Variants in DENND5B observed in about 807,000 individuals in gnomAD.
DENND5B encodes DENN domain containing 5B.
A neutral mutation model predicts 140.6 loss-of-function variants in DENND5B; 34 were observed. That is an observed-to-expected ratio of 0.24 (90% CI 0.18 to 0.32). DENND5B has a LOEUF of 0.32. DENND5B is among the 10% of genes least tolerant of loss of function. The pLI is 1.00. For synonymous variants in DENND5B, 551 were observed against 562.1 expected (o/e 0.98, Z 0.28); for missense variants, 1,142 against 1,560.2 (o/e 0.73, Z 4.52).
At chr12:31,537,298 C>G (rs778673277) in intron 1 of DENND5B, among the ~76,000 whole-genome samples, 15 of 151,838 alleles carry the variant, frequency 9.9e-5, no homozygotes, top group Non-Finnish European at 2.1e-4. Flanking sequence ...TAAATAAAAA[C>G]AACAAAAAGT....
intron 15 of DENND5B, among the ~76,000 whole-genome samples, chr12:31,400,837 G>GTT (rs368442172): frequency 1.7e-3 from 198 of 113,872 alleles, no homozygotes; most frequent in East Asian, 2.1e-3. Context: ...AGAGCTACGA[G>GTT]TTTTTTTTTT....
At chr12:31,544,706 C>A (rs1948797400) in intron 1 of DENND5B, among the ~76,000 whole-genome samples, 1 of 151,854 alleles carries the variant, frequency 6.6e-6, no homozygotes, top group African/African-American at 2.4e-5. Context: ...AGGAACACCA[C>A]CAAAAGTGGA....
At chr12:31,471,090 A>G (rs1465307944) in intron 3 of DENND5B, among the ~76,000 whole-genome samples, 1 of 152,202 alleles carries the variant, frequency 6.6e-6, no homozygotes, top group African/African-American at 2.4e-5. Flanking sequence ...AATTTAAAAG[A>G]GTGCTAGGTC....
chr12:31,554,494 A>T (rs1034832040), intron 1 of DENND5B, among the ~76,000 whole-genome samples: 7 of 151,998 alleles, frequency 4.6e-5, no homozygotes, highest in African/African-American at 1.4e-4. Flanking sequence ...GCTGCCCTTA[A>T]CATTTTTTCC....
intron 1 of DENND5B, among the ~76,000 whole-genome samples, chr12:31,561,679 A>G (rs1456676722): frequency 6.6e-6 from 1 of 152,234 alleles, no homozygotes; most frequent in African/African-American, 2.4e-5. Flanking sequence ...AATAGAAAAC[A>G]TTGCCATTTC....
At chr12:31,394,416 T>C (rs981548542) in intron 17 of DENND5B, among the ~76,000 whole-genome samples, 4 of 152,138 alleles carry the variant, frequency 2.6e-5, no homozygotes, top group African/African-American at 7.2e-5. Context: ...CCCCATGAAA[T>C]TGGACTGACT....
At chr12:31,577,149 G>A (rs1436640389) in intron 1 of DENND5B, among the ~76,000 whole-genome samples, 8 of 152,140 alleles carry the variant, frequency 5.3e-5, no homozygotes, top group Non-Finnish European at 1.2e-4. Context: ...GAATTAAGAT[G>A]ATCAGAAATT....
intron 5 of DENND5B, among the ~76,000 whole-genome samples, chr12:31,450,469 A>AC (rs1944465184): frequency 2.0e-5 from 3 of 151,888 alleles, no homozygotes; most frequent in Non-Finnish European, 2.9e-5. Context: ...AAGTGATCTC[A>AC]CCTCAGCCTC....
chr12:31,464,295 C>A (rs1446836407), intron 3 of DENND5B, among the ~76,000 whole-genome samples: 6 of 152,140 alleles, frequency 3.9e-5, no homozygotes, highest in Non-Finnish European at 8.8e-5. Context: ...TATTGTTTTC[C>A]TCTGCCCAGA....
At chr12:31,490,479 G>T (rs1946483087) in intron 2 of DENND5B, among the ~76,000 whole-genome samples, 1 of 152,036 alleles carries the variant, frequency 6.6e-6, no homozygotes, top group Admixed American at 6.6e-5. Flanking sequence ...AGGCGTGGTG[G>T]TGCACACCTG....
intron 1 of DENND5B, among the ~76,000 whole-genome samples, chr12:31,566,059 C>T (rs556112163): frequency 1.3e-5 from 2 of 152,052 alleles, no homozygotes; most frequent in African/African-American, 2.4e-5. Flanking sequence ...GTGGAAGGAT[C>T]GCTTGAACCC....
At chr12:31,400,889 C>A (rs182367733) in intron 15 of DENND5B, among the ~76,000 whole-genome samples, 125 of 146,904 alleles carry the variant, frequency 8.5e-4, no homozygotes, top group Non-Finnish European at 7.9e-4. Flanking sequence ...GTTGCCCAGG[C>A]TGGAGTGCAA....
rs535411154 is a variant in DENND5B at position 31,383,267 on chromosome 12, T to C, written c.*4336A>G. 11 of 152,300 alleles carry C rather than the reference T, an allele frequency of 7.2e-5. No individual in the cohort carries two copies. Among genetic ancestry groups the C allele is most frequent in the African/African-American group, 2.6e-4 (11 of 41,574 alleles). The allele number at this position is 152,300 out of a possible 1,614,324, so 9.4% of individuals were successfully genotyped here. ...TACACTCCTAATGTTGTGAAATAAA[T>C]ATTTCCCTGGAAATTTGAGGTCCTT... On this transcript the variant is annotated 3_prime_UTR_variant, in exon 21 of 21. Transcript: ENST00000389082.
chr12:31,451,839 T>C (rs766447554), intron 5 of DENND5B, 101 bp downstream of exon 5: 19 of 1,364,690 alleles, frequency 1.4e-5, no homozygotes, highest in Non-Finnish European at 1.8e-5. Context: ...ATCAATAATA[T>C]ATGGGTAAGC....
At chr12:31,508,419 G>A (rs1345281311) in intron 1 of DENND5B, among the ~76,000 whole-genome samples, 4 of 152,176 alleles carry the variant, frequency 2.6e-5, no homozygotes, top group Non-Finnish European at 4.4e-5. Context: ...TTACAAGGTA[G>A]AGAAGGGGGT....
At chr12:31,495,991 T>G in intron 1 of DENND5B, 72 bp from the exon 2 acceptor site, 1 of 1,053,828 alleles carries the variant, frequency 9.5e-7, no homozygotes, top group African/African-American at 1.6e-5. Flanking sequence ...ATTTATTTTA[T>G]AGTCCTACTA....
At chr12:31,491,453 A>G (rs181029119) in intron 2 of DENND5B, among the ~76,000 whole-genome samples, 1 of 152,292 alleles carries the variant, frequency 6.6e-6, no homozygotes, top group African/African-American at 2.4e-5. Flanking sequence ...TGTCTCAAAT[A>G]AATTAATTAA....
chr12:31,429,471 C>T (rs113076173), intron 8 of DENND5B, among the ~76,000 whole-genome samples: 40 of 152,186 alleles, frequency 2.6e-4, no homozygotes, highest in Non-Finnish European at 3.7e-4. Flanking sequence ...TGCAGTGGCT[C>T]GGTCTTGGCT....
At position 31,479,963 on chromosome 12, in the gene DENND5B, T is replaced by A; in HGVS notation, c.530A>T (p.Asn177Ile). 1 of 1,613,788 alleles carries A rather than the reference T, an allele frequency of 6.2e-7. No individual in the cohort carries two copies. Among genetic ancestry groups the A allele is most frequent in the African/African-American group, 1.3e-5 (1 of 74,948 alleles). Residue 177 changes from asparagine (N) to isoleucine (I), a missense_variant, in exon 3 of 21, where the codon AAC (asparagine) becomes ATC (isoleucine). Asn to Ile is a moderately radical substitution (Grantham distance 149, BLOSUM62 -3). This residue lies in a region of DENND5B where 708 missense variants were observed against 905.5 expected (regional missense o/e 0.78). Transcript: ENST00000389082. ...GGTGTCTCTGCTAATATCATAGGAG[T>A]TGTATCGCTGGAGTTTCAAAAGGGA... is the stretch of plus-strand genomic sequence containing the variant. ...TTSLLKLQRYNSYDISRDTLY... is the reference protein window; with the variant it reads ...TTSLLKLQRYISYDISRDTLY...
Sources: allele counts gnomAD v4.1 joint callset (sites outside exome capture counted in the v4.1 genomes callset), GRCh38; gene constraint gnomAD v4.1.1; regional missense constraint gnomAD v4.1.1; transcripts MANE v1.5; gene names NCBI Gene and HGNC (gene_info 2026-07-23, HGNC 2026-07-21).